Variants in CCDC7 observed in about 807,000 individuals in gnomAD.
CCDC7 encodes coiled-coil domain containing 7.
CCDC7 carries 183 observed loss-of-function variants against 196.9 expected under a neutral mutation model. The ratio of observed to expected loss-of-function variants is 0.93; its 90% CI spans 0.82 to 1.05. The LOEUF (loss-of-function observed/expected upper bound fraction) is 1.05, where lower values mean the gene tolerates loss of function less well. Ranked by LOEUF, CCDC7 falls within the 50% of genes least tolerant of loss-of-function variation. The pLI, the probability that CCDC7 is intolerant of heterozygous loss-of-function variation, is 0.00. For synonymous variants in CCDC7, 525 were observed against 484.6 expected (o/e 1.08, Z -1.10); for missense variants, 1,540 against 1,482.2 (o/e 1.04, Z -0.64).
chr10:32,498,515 G>A (rs1160968784), intron 9 of CCDC7, among the ~76,000 whole-genome samples: 1 of 152,140 alleles, frequency 6.6e-6, no homozygotes, highest in African/African-American at 2.4e-5. Context: ...TGCAGTGGCT[G>A]GTACCGGTTA....
intron 37 of CCDC7, among the ~76,000 whole-genome samples, chr10:32,847,076 C>T (rs773548681): frequency 6.6e-6 from 1 of 152,108 alleles, no homozygotes; most frequent in Admixed American, 6.6e-5. Context: ...CATTCGAAGC[C>T]GGCCCTCTAA....
chr10:32,628,152 C>T (rs1564875984), intron 18 of CCDC7, among the ~76,000 whole-genome samples: 1 of 151,840 alleles, frequency 6.6e-6, no homozygotes, highest in Non-Finnish European at 1.5e-5. Context: ...CAGGACTTTT[C>T]TTTCATGGTA....
intron 13 of CCDC7, among the ~76,000 whole-genome samples, chr10:32,563,195 A>G (rs559219484): frequency 6.6e-6 from 1 of 152,284 alleles, no homozygotes; most frequent in East Asian, 1.9e-4. Flanking sequence ...GGGTAGGAAG[A>G]ATCAATATCA....
intron 14 of CCDC7, 71 bp from the exon 16 acceptor site, chr10:32,567,599 T>A (rs1395300655): frequency 2.0e-6 from 3 of 1,475,982 alleles, no homozygotes; most frequent in Non-Finnish European, 2.7e-6. Context: ...ATATGTAGAT[T>A]CCTGAATGTG....
intron 16 of CCDC7, among the ~76,000 whole-genome samples, chr10:32,574,973 T>C (rs1405521515): frequency 6.6e-6 from 1 of 152,224 alleles, no homozygotes; most frequent in Non-Finnish European, 1.5e-5. Flanking sequence ...AGTTCTCTTT[T>C]GGGTATTGTG....
chr10:32,716,731 A>G (rs2081642346), intron 25 of CCDC7, among the ~76,000 whole-genome samples: 1 of 152,142 alleles, frequency 6.6e-6, no homozygotes, highest in Non-Finnish European at 1.5e-5. Flanking sequence ...AAACAGAAAA[A>G]CCCAGGGGTT....
intron 20 of CCDC7, among the ~76,000 whole-genome samples, chr10:32,658,219 C>G (rs2070401338): frequency 2.0e-5 from 3 of 152,230 alleles, no homozygotes; most frequent in Non-Finnish European, 4.4e-5. Flanking sequence ...CAGTGCCTCA[C>G]TACTGTGGTA....
chr10:32,632,934 G>T (rs997229581), intron 18 of CCDC7, among the ~76,000 whole-genome samples: 1 of 152,096 alleles, frequency 6.6e-6, no homozygotes, highest in Non-Finnish European at 1.5e-5. Flanking sequence ...CCTTCTATGG[G>T]TATCTGTAGA....
At chr10:32,682,853 CTTG>C (rs2076020742) in intron 21 of CCDC7, among the ~76,000 whole-genome samples, 2 of 151,946 alleles carry the variant, frequency 1.3e-5, no homozygotes. Flanking sequence ...TTGGTTTTTG[CTTG>C]TTGATTAGTT....
chr10:32,689,968 C>G (rs1342336942), intron 23 of CCDC7, among the ~76,000 whole-genome samples: 1 of 152,140 alleles, frequency 6.6e-6, no homozygotes, highest in East Asian at 1.9e-4. Flanking sequence ...CTCCTGACCT[C>G]AAATGATCCA....
intron 30 of CCDC7, among the ~76,000 whole-genome samples, chr10:32,805,666 A>G (rs1000253565): frequency 6.6e-6 from 1 of 152,200 alleles, no homozygotes; most frequent in East Asian, 1.9e-4. Context: ...AGGAAGGCAG[A>G]CAGGTTAATA....
intron 15 of CCDC7, among the ~76,000 whole-genome samples, chr10:32,569,049 A>C (rs960786849): frequency 1.3e-5 from 2 of 152,380 alleles, no homozygotes; most frequent in South Asian, 4.1e-4. Flanking sequence ...GAACCTGAGC[A>C]GAACAGTAAC....
chr10:32,579,189 T>C (rs986930173), intron 16 of CCDC7, among the ~76,000 whole-genome samples: 1 of 152,320 alleles, frequency 6.6e-6, no homozygotes, highest in South Asian at 2.1e-4. Context: ...TTTCTTTCCT[T>C]GTTTAAGTTT....
intron 28 of CCDC7, among the ~76,000 whole-genome samples, chr10:32,757,036 C>T (rs2076580996): frequency 6.6e-6 from 1 of 152,152 alleles, no homozygotes; most frequent in South Asian, 2.1e-4. Flanking sequence ...GGGATCAATT[C>T]AACAAGAAGA....
At chr10:32,784,839 C>A (rs1592722889) in intron 29 of CCDC7, among the ~76,000 whole-genome samples, 1 of 151,798 alleles carries the variant, frequency 6.6e-6, no homozygotes, top group African/African-American at 2.4e-5. Context: ...CCATCTCTAC[C>A]AAAAGTACAA....
chr10:32,710,530 C>G (rs1335064), intron 24 of CCDC7, among the ~76,000 whole-genome samples: 52,114 of 152,086 alleles, frequency 0.34, 11,335 homozygotes, highest in Non-Finnish European at 0.49. Flanking sequence ...AAGAGGAGGA[C>G]CACTGGTGTC....
chr10:32,599,341 A>G (rs1432652452), intron 18 of CCDC7, among the ~76,000 whole-genome samples: 1 of 152,020 alleles, frequency 6.6e-6, no homozygotes, highest in Non-Finnish European at 1.5e-5. Context: ...TCATTGGGTC[A>G]TGTATGTATG....
At chr10:32,766,589 A>C (rs1159509705) in intron 28 of CCDC7, among the ~76,000 whole-genome samples, 1 of 152,060 alleles carries the variant, frequency 6.6e-6, no homozygotes, top group Non-Finnish European at 1.5e-5. Flanking sequence ...TTTGTAAAAC[A>C]GTTCTTGGCC....
chr10:32,591,087 C>T lies in CCDC7; in HGVS notation c.1801+6783C>T, dbSNP rs139731279. Among the ~76,000 whole-genome samples the T allele has an allele frequency of 5.8e-4, 89 of 152,188 alleles. No individual in the cohort carries two copies. In the East Asian group the frequency reaches 0.016, roughly 28 times the overall value. ...ACTTTTTACCCCTATCTCCCTCTTT[C>T]TACCTCCTCTCTGAGGCCAGTAACT... is the stretch of plus-strand genomic sequence containing the variant. On this transcript the variant is annotated intron_variant, in intron 18 of 41. Coordinates refer to ENST00000639629, the Ensembl canonical transcript of CCDC7.
Sources: gnomAD v4.1 joint callset for allele counts (sites outside exome capture counted in the v4.1 genomes callset) on GRCh38, gnomAD v4.1.1 for gene constraint, MANE v1.5 for transcripts, NCBI Gene and HGNC (gene_info 2026-07-23, HGNC 2026-07-21) for gene names.